ZKSCAN7: variants seen among roughly 807,000 people sequenced by gnomAD.
The protein encoded by ZKSCAN7 is zinc finger with KRAB and SCAN domains 7, also known as zinc finger protein with KRAB and SCAN domains 7.
A neutral mutation model predicts 65.3 loss-of-function variants in ZKSCAN7; 38 were observed. The observed-to-expected ratio is 0.58, with a 90% CI of 0.45 to 0.76. The LOEUF (loss-of-function observed/expected upper bound fraction) is 0.76. ZKSCAN7 is among the 30% of genes least tolerant of loss of function. ZKSCAN7 has a pLI of 0.00. For synonymous variants in ZKSCAN7, 321 were observed against 321.0 expected (o/e 1.00, Z 0.00); for missense variants, 815 against 913.3 (o/e 0.89, Z 1.39).
chr3:44,557,839 C>T (rs915556532), intron 2 of ZKSCAN7, among the ~76,000 whole-genome samples: 2 of 152,182 alleles, frequency 1.3e-5, no homozygotes, highest in Non-Finnish European at 2.9e-5. Context: ...TTGCTCACTT[C>T]CTTGGACTTC....
At chr3:44,568,241 G>A (rs1050477387) in intron 4 of ZKSCAN7, 66 bp from the exon 5 acceptor site, 12 of 1,580,284 alleles carry the variant, frequency 7.6e-6, no homozygotes, top group South Asian at 2.4e-5. Flanking sequence ...TGTGCCCTTC[G>A]TACCCCTGAT....
chr3:44,580,693 G>A (rs944097702), intron 5 of ZKSCAN7: 8 of 1,613,798 alleles, frequency 5.0e-6, no homozygotes, highest in African/African-American at 1.3e-5. Context: ...TGGCCCGTGC[G>A]GCCCTCCCCA....
At position 44,568,398 on chromosome 3, in the gene ZKSCAN7, T is replaced by C; in HGVS notation, c.776T>C (p.Met259Thr). 6.2e-7 allele frequency: 1 copy of C among 1,614,158 alleles called. No homozygotes were observed. Among genetic ancestry groups the C allele is most frequent in the African/African-American group, 1.3e-5 (1 of 75,052 alleles). ...TLSQRALQWN[M>T]MPENHHSMAS... Reference sequence around the variant, plus strand: ...AGTCAGAGAGCCCTGCAGTGGAACATGATGCCAGAAAATCACCATAGCATG... The same window carrying C: ...AGTCAGAGAGCCCTGCAGTGGAACACGATGCCAGAAAATCACCATAGCATG... The change falls in exon 5 of 6, where the codon ATG becomes ACG. Residue 259 changes from methionine (M) to threonine (T), a missense_variant. Physicochemically the swap from Met to Thr is moderately conservative, Grantham distance 81 (BLOSUM62 -1). Coordinates refer to ENST00000426540, the MANE Select transcript of ZKSCAN7 (RefSeq NM_001288590.2).
chr3:44,575,898 T>G (rs1023291742), downstream of ZKSCAN7, among the ~76,000 whole-genome samples: 6 of 152,148 alleles, frequency 3.9e-5, no homozygotes, highest in Admixed American at 6.5e-5. Context: ...TATTATTTTT[T>G]AAAGTTCAGA....
At position 44,556,915 on chromosome 3, in the gene ZKSCAN7, C is replaced by G. The variant is rs2125707006; in HGVS notation, c.-118-15C>G. 8.4e-7 allele frequency: 1 copy of G among 1,196,030 alleles called. No homozygotes were observed. The highest frequency in any genetic ancestry group is 1.3e-5 in the South Asian group (1 of 74,826). 74.1% of individuals were successfully genotyped at this position (1,196,030 alleles called of 1,614,324 possible). ...GAATACTCCAAGAACTCTGATTTCA[C>G]TCTTGTTTCTGTAGGCCACACTACC... On this transcript the variant is annotated splice_polypyrimidine_tract_variant and intron_variant, in intron 1 of 5. Transcript: ENST00000426540.
intron 2 of ZKSCAN7, among the ~76,000 whole-genome samples, chr3:44,563,918 G>C (rs894257774): frequency 6.6e-6 from 1 of 152,184 alleles, no homozygotes; most frequent in African/African-American, 2.4e-5. Flanking sequence ...CCTTTCAGTA[G>C]GAGAGCTTGG....
intron 1 of ZKSCAN7, 125 bp from the exon 2 acceptor site, chr3:44,556,805 T>A: frequency 1.7e-6 from 1 of 576,448 alleles, no homozygotes; most frequent in East Asian, 3.0e-5. Context: ...TTTGGAGAGA[T>A]GCTTACTAAG....
At chr3:44,578,943 G>A (rs1699989595) in intron 5 of ZKSCAN7, among the ~76,000 whole-genome samples, 1 of 152,200 alleles carries the variant, frequency 6.6e-6, no homozygotes, top group South Asian at 2.1e-4. Context: ...TGCAGGAGCC[G>A]GTTCTGCTCC....
intron 5 of ZKSCAN7, chr3:44,580,866 G>A: frequency 6.2e-7 from 1 of 1,613,552 alleles, no homozygotes; most frequent in Non-Finnish European, 8.5e-7. Context: ...GGTCCCATCT[G>A]GAGCCAGGAG....
intron 2 of ZKSCAN7, among the ~76,000 whole-genome samples, chr3:44,558,550 A>G (rs1415202346): frequency 1.3e-5 from 2 of 151,162 alleles, no homozygotes; most frequent in Non-Finnish European, 3.0e-5. Flanking sequence ...GAAAAGAAAG[A>G]GAGATTTATT....
At chr3:44,580,415 T>G in intron 5 of ZKSCAN7, 2 of 1,600,530 alleles carry the variant, frequency 1.2e-6, no homozygotes, top group Non-Finnish European at 1.7e-6. Flanking sequence ...TGGTCCTCAT[T>G]TCTTCCTGCC....
downstream of ZKSCAN7, among the ~76,000 whole-genome samples, chr3:44,575,601 G>C (rs1333738746): frequency 6.6e-6 from 1 of 152,174 alleles, no homozygotes; most frequent in Non-Finnish European, 1.5e-5. Context: ...TTTAGAGACA[G>C]AGTTTCACTC....
At chr3:44,577,667 C>G (rs571865426) in intron 5 of ZKSCAN7, among the ~76,000 whole-genome samples, 1 of 152,254 alleles carries the variant, frequency 6.6e-6, no homozygotes, top group South Asian at 2.1e-4. Context: ...AAGGGACTAA[C>G]ACAGATGCCC....
intron 2 of ZKSCAN7, among the ~76,000 whole-genome samples, chr3:44,562,836 G>A (rs934712669): frequency 3.9e-5 from 6 of 152,094 alleles, no homozygotes; most frequent in Non-Finnish European, 7.4e-5. Context: ...TGGGCATGGC[G>A]GCGGGTGCCT....
At position 44,557,204 on chromosome 3, in the gene ZKSCAN7, T is replaced by C. The variant is rs1699320457; in HGVS notation, c.157T>C (p.Phe53Leu). 2 of 1,614,262 alleles carry C rather than the reference T, an allele frequency of 1.2e-6. No individual in the cohort carries two copies. Among genetic ancestry groups the C allele is most frequent in the East Asian group, 2.2e-5 (1 of 44,890 alleles). Residue 53 changes from phenylalanine to leucine, a missense_variant, in exon 2 of 6, where the codon TTC becomes CTC. By Grantham distance (22) the Phe-to-Leu change is conservative. Transcript: ENST00000426540. ...QKNYPPVCEI[F>L]RLHFRQLCYH... Reference sequence around the variant, plus strand: ...GAACTATCCTCCTGTCTGCGAAATCTTCCGGCTACACTTCAGGCAATTGTG... The same window carrying C: ...GAACTATCCTCCTGTCTGCGAAATCCTCCGGCTACACTTCAGGCAATTGTG...
Position 44,571,915 on chromosome 3 carries a change from T to C in ZKSCAN7, c.*540T>C. 1 of 986,800 alleles carries C rather than the reference T, an allele frequency of 1.0e-6. No individual in the cohort carries two copies. Among genetic ancestry groups the C allele is most frequent in the Non-Finnish European group, 1.2e-6 (1 of 830,798 alleles). 61.1% of individuals were successfully genotyped at this position (986,800 alleles called of 1,614,324 possible). ...CAATTTTTGAAATCCATCTCATCACTGAAATACTTTCTTCTTCAAGTACTT... is the reference window on the plus strand; with the variant it reads ...CAATTTTTGAAATCCATCTCATCACCGAAATACTTTCTTCTTCAAGTACTT... On this transcript the variant is annotated 3_prime_UTR_variant, in exon 6 of 6. Transcript: ENST00000426540.
intron 2 of ZKSCAN7, among the ~76,000 whole-genome samples, chr3:44,562,756 G>A (rs183562981): frequency 7.9e-5 from 12 of 152,298 alleles, no homozygotes; most frequent in South Asian, 2.1e-4. Context: ...GCTGAGGCAG[G>A]TGGATCACGA....
chr3:44,565,693 C>G, intron 3 of ZKSCAN7, 38 bp downstream of exon 3: 1 of 1,525,174 alleles, frequency 6.6e-7, no homozygotes, highest in African/African-American at 1.4e-5. Flanking sequence ...AGTCATGCCT[C>G]CCTTCTCTCC....
intron 2 of ZKSCAN7, among the ~76,000 whole-genome samples, chr3:44,557,838 T>G (rs1372309606): frequency 1.3e-5 from 2 of 152,212 alleles, no homozygotes; most frequent in Non-Finnish European, 2.9e-5. Flanking sequence ...TTTGCTCACT[T>G]CCTTGGACTT....
Sources: gnomAD v4.1 joint callset for allele counts (sites outside exome capture counted in the v4.1 genomes callset) on GRCh38, gnomAD v4.1.1 for gene constraint, MANE v1.5 for transcripts, NCBI Gene and HGNC (gene_info 2026-07-23, HGNC 2026-07-21) for gene names.